SMAD2: variants seen among roughly 807,000 people sequenced by gnomAD.
The protein encoded by SMAD2 is MAD homolog 2.
In SMAD2, 8 loss-of-function variants were observed where a neutral mutation model predicts 64.4. The observed-to-expected ratio is 0.12, with a 90% confidence interval of 0.07 to 0.22. The LOEUF (loss-of-function observed/expected upper bound fraction) is 0.22, where lower values mean the gene tolerates loss of function less well. Ranked by LOEUF, SMAD2 falls within the 10% of genes least tolerant of loss-of-function variation. SMAD2 has a pLI of 1.00. For synonymous variants in SMAD2, 203 were observed against 195.8 expected, an observed-to-expected ratio of 1.04 and a Z score of -0.31; for missense variants, 289 against 561.2, an observed-to-expected ratio of 0.51 and a Z score of 4.90.
rs1419619948 is a variant in SMAD2 at position 47,853,340 on chromosome 18, A to G, written c.731-2013T>C. 8.9e-6 allele frequency: 2 copies of G among 224,160 alleles called. 1 individual carries two copies. Among genetic ancestry groups the G allele is most frequent in the African/African-American group, 7.0e-5 (2 of 28,742 alleles). 13.9% of individuals were successfully genotyped at this position (224,160 alleles called of 1,614,324 possible). ...TTTAAGCCTAATGTGGGGACAGCTC[A>G]TGAGTGTAAGACGTCTTGTGATGTA... On this transcript the variant is annotated intron_variant, in intron 6 of 10. Transcript: ENST00000262160.
intron 1 of SMAD2, among the ~76,000 whole-genome samples, chr18:47,924,635 C>T (rs1444693693): frequency 1.3e-5 from 2 of 151,860 alleles, no homozygotes; most frequent in Admixed American, 1.3e-4. Flanking sequence ...CTAATTTTTG[C>T]ATTTTTAGTA....
At chr18:47,924,665 T>C (rs1411526590) in intron 1 of SMAD2, among the ~76,000 whole-genome samples, 1 of 152,100 alleles carries the variant, frequency 6.6e-6, no homozygotes, top group African/African-American at 2.4e-5. Flanking sequence ...TTTCACCATG[T>C]TGGCCAGGCT....
At chr18:47,927,728 C>G (rs777299943) in intron 1 of SMAD2, among the ~76,000 whole-genome samples, 6 of 151,984 alleles carry the variant, frequency 3.9e-5, no homozygotes, top group Non-Finnish European at 7.4e-5. Flanking sequence ...GGTGAAACCC[C>G]GTCTCTACTA....
At chr18:47,911,950 A>G (rs996594276) in intron 1 of SMAD2, among the ~76,000 whole-genome samples, 1 of 152,228 alleles carries the variant, frequency 6.6e-6, no homozygotes, top group African/African-American at 2.4e-5. Flanking sequence ...TCTGTGCCAC[A>G]AAGTATGCTC....
intron 1 of SMAD2, among the ~76,000 whole-genome samples, chr18:47,899,955 G>T (rs1289862207): frequency 6.6e-6 from 1 of 152,002 alleles, no homozygotes; most frequent in Non-Finnish European, 1.5e-5. Flanking sequence ...AAGCCAATTG[G>T]CCAGGTTCAA....
intron 2 of SMAD2, among the ~76,000 whole-genome samples, chr18:47,872,677 C>A (rs1428216139): frequency 1.3e-5 from 2 of 152,102 alleles, no homozygotes; most frequent in Admixed American, 1.3e-4. Context: ...CTCATAGGAG[C>A]AAGAACCCTA....
chr18:47,926,720 C>G (rs1411598270), intron 1 of SMAD2, among the ~76,000 whole-genome samples: 1 of 152,182 alleles, frequency 6.6e-6, no homozygotes, highest in Non-Finnish European at 1.5e-5. Context: ...TGTTCATTGT[C>G]TGCTTCTCAA....
At position 47,809,059 on chromosome 18, in the gene SMAD2, A is replaced by C. The variant is rs1382396145; in HGVS notation, c.*32768T>G. ...TTTTCTACAGCGGACCTAGTGAAAA[A>C]CCAATGGTGCCTAAGGCGGTGCTGA... On this transcript the variant is annotated 3_prime_UTR_variant, in exon 11 of 11. Transcript: ENST00000262160. The C allele has an allele frequency of 6.6e-6, 1 of 152,158 alleles. No individual in the cohort carries two copies. The highest frequency in any genetic ancestry group is 2.4e-5 in the African/African-American group (1 of 41,434). 9.4% of individuals were successfully genotyped at this position (152,158 alleles called of 1,614,324 possible). A position where few individuals can be genotyped will look rare whatever the true frequency, so the allele number is the denominator to read the frequency against.
At chr18:47,842,723 C>T (rs1383331504) in intron 10 of SMAD2, among the ~76,000 whole-genome samples, 1 of 152,080 alleles carries the variant, frequency 6.6e-6, no homozygotes. Context: ...CAAGCTAAAC[C>T]CACACCACAG....
At chr18:47,922,618 T>A (rs1380153988) in intron 1 of SMAD2, 1 of 152,202 alleles carries the variant, frequency 6.6e-6, no homozygotes, top group Non-Finnish European at 1.5e-5. Context: ...CAATCCTCTG[T>A]GGAGACCGAG....
chr18:47,922,726 A>G (rs1264179622), intron 1 of SMAD2: 1 of 152,250 alleles, frequency 6.6e-6, no homozygotes, highest in Admixed American at 6.5e-5. Context: ...CAAATAAATA[A>G]TTCATTAGTA....
chr18:47,869,775 C>G (rs975745962), intron 3 of SMAD2, among the ~76,000 whole-genome samples: 12 of 152,126 alleles, frequency 7.9e-5, no homozygotes. Flanking sequence ...AAATCAAACT[C>G]ATTTTAGAGA....
rs546528253 is a variant in SMAD2, at chr18:47,923,178, T to TAA, written c.-54+7181_-54+7182dup. Among the ~76,000 whole-genome samples the TAA allele has an allele frequency of 1.9e-3, 258 of 133,900 alleles. 1 individual carries two copies. The highest frequency in any genetic ancestry group is 6.3e-3 in the African/African-American group (230 of 36,584). The allele number at this position is 133,900 out of a possible 152,430, so 87.8% of individuals were successfully genotyped here. A position where few individuals can be genotyped will look rare whatever the true frequency, so the allele number is the denominator to read the frequency against. On this transcript the variant is annotated intron_variant, in intron 1 of 10. Transcript: ENST00000262160. Reference sequence around the variant, plus strand: ...TATTGGTTTATCATTCCCAGATTATTAAAAAAAAAAAAAAAGCACCTATGA... The same window carrying TAA: ...TATTGGTTTATCATTCCCAGATTATTAAAAAAAAAAAAAAAAAGCACCTATGA...
rs1913183096 is a variant in SMAD2 at position 47,834,122 on chromosome 18, T to C, written c.*7705A>G. On this transcript the variant is annotated 3_prime_UTR_variant, in exon 11 of 11. Coordinates refer to ENST00000262160, the MANE Select transcript of SMAD2 (RefSeq NM_005901.6). ...AATGACTGGATGGCACATATCCCAA[T>C]AAGTATCAGAAATGTTGACAGCCAT... 2 of 213,318 alleles carry C rather than the reference T, an allele frequency of 9.4e-6. No homozygotes were observed. The highest frequency in any genetic ancestry group is 1.4e-4 in the East Asian group (2 of 14,402). The allele number at this position is 213,318 out of a possible 1,614,324, so 13.2% of individuals were successfully genotyped here.
intron 1 of SMAD2, among the ~76,000 whole-genome samples, chr18:47,928,727 A>C (rs1433051146): frequency 6.6e-6 from 1 of 152,244 alleles, no homozygotes; most frequent in East Asian, 1.9e-4. Context: ...GAACACCTAC[A>C]ATGCTTGTGG....
At chr18:47,916,128 T>C (rs1355420702) in intron 1 of SMAD2, among the ~76,000 whole-genome samples, 1 of 152,242 alleles carries the variant, frequency 6.6e-6, no homozygotes, top group Non-Finnish European at 1.5e-5. Flanking sequence ...TAATTAGTCA[T>C]GGTATTTTTG....
At chr18:47,889,074 T>C (rs2033056546) in intron 2 of SMAD2, among the ~76,000 whole-genome samples, 1 of 151,052 alleles carries the variant, frequency 6.6e-6, no homozygotes, top group Non-Finnish European at 1.5e-5. Flanking sequence ...AACTCAAAAG[T>C]AGATCAACAG....
chr18:47,843,687 A>T lies in SMAD2; in HGVS notation c.1280+1653T>A, dbSNP rs367955342. ...GGATATTTGCCATTTTGATTTGTAA[A>T]TGTTACAGGAAACTACTTGATTTTC... On this transcript the variant is annotated intron_variant, in intron 10 of 10. Transcript: ENST00000262160. Among the ~76,000 whole-genome samples, 10 of 152,306 alleles carry T rather than the reference A, an allele frequency of 6.6e-5. No individual in the cohort carries two copies. The South Asian group carries it at 2.1e-3, about 32-fold the overall frequency.
Position 47,868,406 on chromosome 18 carries a change from G to A in SMAD2, c.572C>T (p.Pro191Leu), listed in dbSNP as rs1293658510. ...PRHTEILTEL[P>L]PLDDYTHSIP... ...GGAGTGAGTATAGTCATCCAGAGGC[G>A]GAAGTTCTGTTAGGATCTCGGTGTG... Residue 191 changes from proline (P) to leucine (L), a missense_variant, in exon 5 of 11, where the codon CCG becomes CTG. Pro to Leu is a moderately conservative substitution (Grantham distance 98, BLOSUM62 -3). Transcript: ENST00000262160. The A allele has an allele frequency of 2.5e-6, 4 of 1,610,364 alleles. No homozygotes were observed. The highest frequency in any genetic ancestry group is 2.7e-5 in the African/African-American group (2 of 74,756).
Sources: allele counts gnomAD v4.1 joint callset (sites outside exome capture counted in the v4.1 genomes callset), GRCh38; gene constraint gnomAD v4.1.1; transcripts MANE v1.5; gene names NCBI Gene and HGNC (gene_info 2026-07-23, HGNC 2026-07-21).